The following TMEM132C variants were observed in gnomAD, a reference collection of about 807,000 sequenced individuals.
The protein encoded by TMEM132C is transmembrane protein 132C, also known as protein phosphatase 1, regulatory subunit 152.
TMEM132C carries 29 observed loss-of-function variants against 61.4 expected under a neutral mutation model. The ratio of observed to expected loss-of-function variants is 0.47; its 90% CI spans 0.35 to 0.64. TMEM132C has a LOEUF of 0.64. Ranked by LOEUF, TMEM132C falls within the 30% of genes least tolerant of loss-of-function variation. TMEM132C has a pLI of 0.00. For synonymous variants in TMEM132C, 656 were observed against 633.1 expected, an observed-to-expected ratio of 1.04 and a Z score of -0.54; for missense variants, 1,408 against 1,476.9, an observed-to-expected ratio of 0.95 and a Z score of 0.76.
intron 1 of TMEM132C, among the ~76,000 whole-genome samples, chr12:128,407,394 A>G (rs1019608383): frequency 3.0e-4 from 45 of 152,298 alleles, no homozygotes; most frequent in African/African-American, 1.1e-3. Flanking sequence ...TAGCAGTATG[A>G]AAGTGGACTA....
At chr12:128,500,444 C>G (rs1345431319) in intron 2 of TMEM132C, among the ~76,000 whole-genome samples, 1 of 151,974 alleles carries the variant, frequency 6.6e-6, no homozygotes, top group Non-Finnish European at 1.5e-5. Context: ...CAATCATTAT[C>G]TGATAAGCAT....
At chr12:128,467,618 T>C (rs189455632) in intron 2 of TMEM132C, among the ~76,000 whole-genome samples, 1 of 152,176 alleles carries the variant, frequency 6.6e-6, no homozygotes, top group Non-Finnish European at 1.5e-5. Flanking sequence ...AGGGGTCAGG[T>C]CCAGATTTTG....
chr12:128,384,623 G>C (rs1466510218), intron 1 of TMEM132C, among the ~76,000 whole-genome samples: 1 of 152,152 alleles, frequency 6.6e-6, no homozygotes, highest in African/African-American at 2.4e-5. Flanking sequence ...AAAGCTTCTG[G>C]AAGTCAGAGG....
chr12:128,512,947 T>C (rs1227651155), intron 2 of TMEM132C, among the ~76,000 whole-genome samples: 2 of 152,156 alleles, frequency 1.3e-5, no homozygotes, highest in Non-Finnish European at 2.9e-5. Context: ...ATATGGAACA[T>C]AGATCTCAGC....
chr12:128,424,974 GA>G (rs1292272283), intron 2 of TMEM132C, among the ~76,000 whole-genome samples: 1 of 152,194 alleles, frequency 6.6e-6, no homozygotes, highest in African/African-American at 2.4e-5. Flanking sequence ...TGATTAGTGA[GA>G]ATGGCCAAAA....
chr12:128,703,475 T>C (rs1954816783), intron 8 of TMEM132C, among the ~76,000 whole-genome samples: 1 of 152,198 alleles, frequency 6.6e-6, no homozygotes, highest in Admixed American at 6.5e-5. Context: ...AAGGATGGGA[T>C]CTTGTTCTTT....
chr12:128,297,913 A>G (rs1256899798), intron 1 of TMEM132C, among the ~76,000 whole-genome samples: 1 of 152,194 alleles, frequency 6.6e-6, no homozygotes, highest in African/African-American at 2.4e-5. Context: ...AGAAAACCCA[A>G]CAAAATATTT....
Position 128,693,987 on chromosome 12 carries a change from G to A in TMEM132C, c.1608G>A (p.Glu536=), listed in dbSNP as rs775419574. The change falls in exon 6 of 9, where the codon GAG becomes GAA. Residue 536 remains glutamate, a synonymous_variant. Transcript: ENST00000435159. The part of the protein sequence containing the change: ...LPLQIEVSDT[E]LSQIKGWRVP... ...TGCAGATCGAGGTCTCTGACACGGAGCTCAGCCAGATAAAGGGCTGGAGGG... is the reference window on the plus strand; with the variant it reads ...TGCAGATCGAGGTCTCTGACACGGAACTCAGCCAGATAAAGGGCTGGAGGG... 7.1e-6 allele frequency: 11 copies of A among 1,551,756 alleles called. No individual in the cohort carries two copies. The South Asian group carries it at 1.3e-4, about 18-fold the overall frequency.
intron 3 of TMEM132C, among the ~76,000 whole-genome samples, chr12:128,596,126 T>C (rs1198079709): frequency 3.3e-5 from 5 of 151,588 alleles, no homozygotes; most frequent in African/African-American, 4.9e-5. Context: ...TCCATCACAC[T>C]GGGCTGCCCC....
chr12:128,597,427 G>A (rs1876009319), intron 3 of TMEM132C, among the ~76,000 whole-genome samples: 3 of 152,014 alleles, frequency 2.0e-5, no homozygotes, highest in Admixed American at 1.3e-4. Flanking sequence ...GCAGTGAGCT[G>A]AGATAGTGCC....
Position 128,559,144 on chromosome 12 carries a change from CACACAA to C in TMEM132C, c.1121+15047_1121+15052del, listed in dbSNP as rs534888179. Among the ~76,000 whole-genome samples the C allele has an allele frequency of 1.1e-4, 16 of 151,338 alleles. No homozygotes were observed. The South Asian group carries it at 3.3e-3, about 32-fold the overall frequency. On this transcript the variant is annotated intron_variant, in intron 3 of 8. Coordinates refer to ENST00000435159, the MANE Select transcript of TMEM132C (RefSeq NM_001136103.3). ...ACACACACAGACACACACAGACACA[CACACAA>C]ACACATACACACACAAACACACACA...
intron 2 of TMEM132C, among the ~76,000 whole-genome samples, chr12:128,475,578 A>C (rs986280779): frequency 1.3e-5 from 2 of 152,146 alleles, no homozygotes; most frequent in Non-Finnish European, 2.9e-5. Context: ...AATAAAAAAA[A>C]ATTTAGGTTT....
At chr12:128,283,555 T>C (rs1163932189) in intron 1 of TMEM132C, among the ~76,000 whole-genome samples, 1 of 152,134 alleles carries the variant, frequency 6.6e-6, no homozygotes, top group African/African-American at 2.4e-5. Flanking sequence ...TCCCTCTGTC[T>C]GTCTCTCTCT....
chr12:128,500,114 A>G (rs1486133764), intron 2 of TMEM132C, among the ~76,000 whole-genome samples: 2 of 152,220 alleles, frequency 1.3e-5, no homozygotes, highest in South Asian at 4.1e-4. Flanking sequence ...GGTAAACAAT[A>G]GACTTTTCAA....
At chr12:128,505,724 C>T (rs1872334026) in intron 2 of TMEM132C, among the ~76,000 whole-genome samples, 1 of 152,204 alleles carries the variant, frequency 6.6e-6, no homozygotes, top group Non-Finnish European at 1.5e-5. Flanking sequence ...CGTTGCCCTG[C>T]AAATGTGAGG....
At chr12:128,666,696 G>A (rs946031265) in intron 4 of TMEM132C, among the ~76,000 whole-genome samples, 2 of 152,222 alleles carry the variant, frequency 1.3e-5, no homozygotes, top group African/African-American at 4.8e-5. Flanking sequence ...CAGAAGAGTG[G>A]TTTTAAATAC....
intron 2 of TMEM132C, among the ~76,000 whole-genome samples, chr12:128,469,766 G>A (rs1255211071): frequency 6.7e-6 from 1 of 149,756 alleles, no homozygotes; most frequent in Non-Finnish European, 1.5e-5. Context: ...ATACACACAT[G>A]CATTTATGTG....
chr12:128,306,690 T>C (rs1441538823), intron 1 of TMEM132C, among the ~76,000 whole-genome samples: 2 of 152,294 alleles, frequency 1.3e-5, no homozygotes, highest in South Asian at 2.1e-4. Flanking sequence ...GAAGAACATA[T>C]AAAAGGAAGA....
chr12:128,574,370 C>T (rs948557780), intron 3 of TMEM132C, among the ~76,000 whole-genome samples: 3 of 152,238 alleles, frequency 2.0e-5, no homozygotes, highest in African/African-American at 4.8e-5. Context: ...TGAAGCGCTT[C>T]GCTGCTATCA....
Sources: gnomAD v4.1 joint callset for allele counts (sites outside exome capture counted in the v4.1 genomes callset) on GRCh38, gnomAD v4.1.1 for gene constraint, MANE v1.5 for transcripts, NCBI Gene and HGNC (gene_info 2026-07-23, HGNC 2026-07-21) for gene names.